The following RANBP1 variants were observed in gnomAD, a reference collection of about 807,000 sequenced individuals.
RANBP1 encodes ran-specific GTPase-activating protein.
RANBP1 carries 16 observed loss-of-function variants against 31.4 expected under a neutral mutation model. The ratio of observed to expected loss-of-function variants is 0.51; its 90% CI spans 0.34 to 0.77. RANBP1 has a LOEUF of 0.77. RANBP1 is among the 30% of genes least tolerant of loss of function. The pLI, the probability that RANBP1 is intolerant of heterozygous loss-of-function variation, is 0.01. For missense variants in RANBP1, 265 were observed against 362.0 expected (o/e 0.73, Z 2.17); for synonymous variants, 129 against 140.5 (o/e 0.92, Z 0.58).
chr22:20,117,658 C>T, intron 1 of RANBP1: 2 of 1,202,534 alleles, frequency 1.7e-6, no homozygotes, highest in Non-Finnish European at 2.1e-6. Flanking sequence ...CCATGGCGGC[C>T]GCCAAGGTGC....
At chr22:20,116,999 A>C in intron 1 of RANBP1, 1 of 1,482,770 alleles carries the variant, frequency 6.7e-7, no homozygotes, top group African/African-American at 1.4e-5. Context: ...GGCCTGTCAC[A>C]AGGGAAGTGC....
At chr22:20,122,554 T>A in intron 3 of RANBP1, 133 bp downstream of exon 3, 1 of 1,560,538 alleles carries the variant, frequency 6.4e-7, no homozygotes, top group South Asian at 1.2e-5. Flanking sequence ...GTTTGTTGAA[T>A]TTAAAACCAG....
chr22:20,126,052 G>C (rs1275000536), intron 4 of RANBP1, among the ~76,000 whole-genome samples: 1 of 152,268 alleles, frequency 6.6e-6, no homozygotes. Context: ...ACGGTTGGGA[G>C]CCGAGCCTGT....
In RANBP1 at chr22:20,116,439, G is replaced by C. The variant is rs772817929; in HGVS notation, c.246+9G>C. 14 of 1,612,648 alleles carry C rather than the reference G, an allele frequency of 8.7e-6. No homozygotes were observed. Among genetic ancestry groups the C allele is most frequent in the Non-Finnish European group, 1.1e-5 (13 of 1,179,826 alleles). ...GTTTAAAGATCTCAGAGGTAAACAA[G>C]TCATCCCTGATGTAGCTGTAGAGCC... is the stretch of plus-strand genomic sequence containing the variant. On this transcript the variant is annotated intron_variant, in intron 1 of 5. Transcript: ENST00000430524.
At position 20,126,936 on chromosome 22, in the gene RANBP1, C is replaced by T; in HGVS notation, c.737-16C>T. 1.2e-6 allele frequency: 2 copies of T among 1,610,794 alleles called. No individual in the cohort carries two copies. Among genetic ancestry groups the T allele is most frequent in the East Asian group, 2.2e-5 (1 of 44,818 alleles). On this transcript the variant is annotated splice_polypyrimidine_tract_variant and intron_variant, in intron 5 of 5. Transcript: ENST00000430524. ...ACCGTGCTTCTGTTTTCTCACTGTGCTGCTTGTGTTTTTAGCAGGATCAGG... is the reference window on the plus strand; with the variant it reads ...ACCGTGCTTCTGTTTTCTCACTGTGTTGCTTGTGTTTTTAGCAGGATCAGG...
At chr22:20,119,512 TC>T (rs903004185) in intron 2 of RANBP1, 4 of 235,358 alleles carry the variant, frequency 1.7e-5, no homozygotes, top group Non-Finnish European at 3.4e-5. Flanking sequence ...AGCTTATAAA[TC>T]CCCCACCCGG....
chr22:20,117,003 G>T (rs2050047427), intron 1 of RANBP1: 1 of 1,476,132 alleles, frequency 6.8e-7, no homozygotes, highest in East Asian at 2.5e-5. Flanking sequence ...TGTCACAAGG[G>T]AAGTGCTCAG....
At chr22:20,126,058 C>T (rs1189271853) in intron 4 of RANBP1, among the ~76,000 whole-genome samples, 1 of 152,266 alleles carries the variant, frequency 6.6e-6, no homozygotes, top group African/African-American at 2.4e-5. Context: ...GGGAGCCGAG[C>T]CTGTGGCAAA....
In RANBP1 at chr22:20,116,323, A is replaced by G. The variant is rs750020758; in HGVS notation, c.139A>G (p.Ser47Gly). 2 of 1,612,762 alleles carry G rather than the reference A, an allele frequency of 1.2e-6. No homozygotes were observed. The highest frequency in any genetic ancestry group is 1.7e-6 in the Non-Finnish European group (2 of 1,179,978). ...VTKAQGGCPK[S>G]LVLWGCRPKR... The stretch of plus-strand genomic sequence containing the variant: ...AAAGGCGCAGGGTGGTTGCCCAAAG[A>G]GTTTGGTTTTGTGGGGCTGCAGACC... Residue 47 changes from serine to glycine, a missense_variant, in exon 1 of 6, where the codon AGT (serine) becomes GGT (glycine). Ser to Gly is a moderately conservative substitution (Grantham distance 56, BLOSUM62 0). Coordinates refer to ENST00000430524, the MANE Select transcript of RANBP1 (RefSeq NM_001278639.2).
At chr22:20,125,833 T>G (rs959710945) in intron 4 of RANBP1, among the ~76,000 whole-genome samples, 3 of 152,240 alleles carry the variant, frequency 2.0e-5, no homozygotes, top group Non-Finnish European at 2.9e-5. Flanking sequence ...GTTGCCTGGG[T>G]GCCAGCAGGG....
At chr22:20,120,063 G>T (rs2050141389) in intron 2 of RANBP1, among the ~76,000 whole-genome samples, 1 of 152,194 alleles carries the variant, frequency 6.6e-6, no homozygotes, top group Non-Finnish European at 1.5e-5. Flanking sequence ...TGAAAATGAG[G>T]TTGTAGTTTT....
rs760136827 is a variant in RANBP1 at position 20,119,164 on chromosome 22, G to A, written c.383+15G>A. The A allele has an allele frequency of 1.2e-4, 191 of 1,609,650 alleles. No individual in the cohort carries two copies. The East Asian group carries it at 4.2e-3, about 35-fold the overall frequency. ...CTTTTTAAAATGTAAGTAGGCTGAT[G>A]TCCCAGAAATAGGACTCTTTAAGGT... On this transcript the variant is annotated intron_variant, in intron 2 of 5. Transcript: ENST00000430524.
At chr22:20,126,921 TG>T (rs2050312941) in intron 5 of RANBP1, 30 bp from the exon 6 acceptor site, 1 of 1,605,868 alleles carries the variant, frequency 6.2e-7, no homozygotes, top group Admixed American at 1.7e-5. Context: ...ACCGTGCTTC[TG>T]TTTTCTCACT....
At chr22:20,118,878 T>TG in intron 1 of RANBP1, 135 bp from the exon 2 acceptor site, 1 of 833,434 alleles carries the variant, frequency 1.2e-6, no homozygotes, top group Non-Finnish European at 1.9e-6. Flanking sequence ...CCTAATTTCT[T>TG]GCTTTGGGGT....
At chr22:20,122,723 CTGTGTGTGTGTGTGTGTGTG>C (rs544097533) in intron 3 of RANBP1, 15 of 929,140 alleles carry the variant, frequency 1.6e-5, no homozygotes, top group Middle Eastern at 4.9e-4. Context: ...CGAGGGGGTG[CTGTGTGTGTGTGTGTGTGTG>C]TGTGTGTGTG....
intron 1 of RANBP1, 35 bp from the exon 2 acceptor site, chr22:20,118,978 T>C: frequency 6.3e-7 from 1 of 1,599,932 alleles, no homozygotes; most frequent in Non-Finnish European, 8.5e-7. Context: ...GCCAGATCCA[T>C]AGGCCAGCAG....
chr22:20,118,762 T>C (rs2050109454), intron 1 of RANBP1, among the ~76,000 whole-genome samples: 1 of 152,222 alleles, frequency 6.6e-6, no homozygotes, highest in Admixed American at 6.5e-5. Flanking sequence ...ACAGATCTGA[T>C]TGATGTCTGT....
chr22:20,121,313 G>A (rs1279821089), intron 2 of RANBP1, among the ~76,000 whole-genome samples: 1 of 151,836 alleles, frequency 6.6e-6, no homozygotes, highest in African/African-American at 2.4e-5. Context: ...GCAATGGTGT[G>A]ATCTCAGCTC....
intron 3 of RANBP1, 108 bp downstream of exon 3, chr22:20,122,529 G>A (rs1288510375): frequency 1.9e-6 from 3 of 1,582,394 alleles, no homozygotes; most frequent in Non-Finnish European, 1.7e-6. Flanking sequence ...TTCATGGAGT[G>A]CAAGTTTGTG....
Sources: gnomAD v4.1 joint callset for allele counts (sites outside exome capture counted in the v4.1 genomes callset) on GRCh38, gnomAD v4.1.1 for gene constraint, MANE v1.5 for transcripts, NCBI Gene and HGNC (gene_info 2026-07-23, HGNC 2026-07-21) for gene names.